Variants in TRIM74 observed in about 807,000 individuals in gnomAD.
TRIM74 encodes tripartite motif containing 74.
Under a neutral mutation model 14.5 loss-of-function variants are expected in TRIM74, and 3 were observed. The ratio of observed to expected loss-of-function variants is 0.21; its 90% CI spans 0.09 to 0.53. TRIM74 has a LOEUF of 0.53. Among genes scored for constraint, TRIM74 ranks in the 20% least tolerant of loss-of-function variants. TRIM74 has a pLI of 0.95. For synonymous variants in TRIM74, 10 were observed against 71.3 expected (o/e 0.14, Z 4.33); for missense variants, 26 against 174.0 (o/e 0.15, Z 4.79).
chr7:72,955,182 C>T (rs1187821391), downstream of TRIM74, among the ~76,000 whole-genome samples: 1 of 126,426 alleles, frequency 7.9e-6, no homozygotes, highest in African/African-American at 3.2e-5. Context: ...CTGCAACCTC[C>T]GCCTCCCAGG....
intron 1 of TRIM74, chr7:72,966,905 C>A (rs1425732143): frequency 7.2e-6 from 1 of 138,958 alleles, no homozygotes; most frequent in Non-Finnish European, 1.6e-5. Flanking sequence ...TTCTTCCCAG[C>A]AGGGAACAGC....
chr7:72,955,149 C>T (rs1798071367), downstream of TRIM74, among the ~76,000 whole-genome samples: 1 of 129,300 alleles, frequency 7.7e-6, no homozygotes, highest in South Asian at 2.5e-4. Context: ...CACTCTGTCG[C>T]GCAGTGTCGC....
At chr7:72,955,111 A>ATATATATATATATATATATATTT (rs1346659193), downstream of TRIM74, 2 of 112,068 alleles carry the variant, frequency 1.8e-5, no homozygotes, top group African/African-American at 8.3e-5. Context: ...ATATATATAT[A>ATATATATATATATATATATATTT]TTTTTTTTTT....
chr7:72,967,407 GC>G (rs1460174073), intron 1 of TRIM74, among the ~76,000 whole-genome samples: 1 of 152,234 alleles, frequency 6.6e-6, no homozygotes, highest in East Asian at 1.9e-4. Context: ...ACAGGCACGT[GC>G]CACCATGCCA....
Position 72,960,216 on chromosome 7 carries a change from GCGGCGGATCACC to G in TRIM74, c.519_530del (p.Trp173_Arg177delinsCys). 1 of 1,423,938 alleles carries G rather than the reference GCGGCGGATCACC, an allele frequency of 7.0e-7. No individual in the cohort carries two copies. The highest frequency in any genetic ancestry group is 2.5e-5 in the East Asian group (1 of 39,306). 88.2% of individuals were successfully genotyped at this position (1,423,938 alleles called of 1,614,324 possible). A position where few individuals can be genotyped will look rare whatever the true frequency, so the allele number is the denominator to read the frequency against. ...CCGGGTGGCGCAGCTCCTGGAACTC[GCGGCGGATCACC>G]CAGCTGAAGACATCCGACTCATTCT... On this transcript the variant is annotated inframe_deletion, in exon 4 of 5. Coordinates refer to ENST00000285805, the MANE Select transcript of TRIM74 (RefSeq NM_198853.3).
At chr7:72,955,131 A>G (rs1289306486), downstream of TRIM74, among the ~76,000 whole-genome samples, 1 of 136,054 alleles carries the variant, frequency 7.4e-6, no homozygotes, top group Admixed American at 7.2e-5. Flanking sequence ...TTTTCAGACA[A>G]AAAGACTCAC....
downstream of TRIM74, chr7:72,954,977 A>G (rs1200705428): frequency 3.4e-6 from 2 of 587,114 alleles, no homozygotes; most frequent in Non-Finnish European, 6.0e-6. Flanking sequence ...TCTGATGGAT[A>G]AATAATGGGA....
intron 1 of TRIM74, among the ~76,000 whole-genome samples, chr7:72,967,168 C>T (rs1554507477): frequency 6.6e-6 from 1 of 152,300 alleles, no homozygotes; most frequent in Non-Finnish European, 1.5e-5. Context: ...GTCCACACCT[C>T]ACGACCCCGA....
chr7:72,955,111 A>ATATATATATATATATATATT (rs1346659193), downstream of TRIM74: 2 of 112,062 alleles, frequency 1.8e-5, no homozygotes, highest in African/African-American at 8.3e-5. Flanking sequence ...ATATATATAT[A>ATATATATATATATATATATT]TTTTTTTTTT....
chr7:72,955,111 A>ATATATATATATATATATATTTTTT (rs1346659193), downstream of TRIM74: 3 of 112,064 alleles, frequency 2.7e-5, no homozygotes, highest in African/African-American at 1.2e-4. Flanking sequence ...ATATATATAT[A>ATATATATATATATATATATTTTTT]TTTTTTTTTT....
At chr7:72,955,111 A>ATATATATATATATATATTTTT (rs1346659193), downstream of TRIM74, 1 of 112,064 alleles carries the variant, frequency 8.9e-6, no homozygotes, top group African/African-American at 4.1e-5. Flanking sequence ...ATATATATAT[A>ATATATATATATATATATTTTT]TTTTTTTTTT....
rs1460743203 is a variant in TRIM74 at position 72,966,333 on chromosome 7, C to T, written c.-18-158G>A. 7.4e-4 allele frequency among the ~76,000 whole-genome samples: 99 copies of T among 134,104 alleles called. No homozygotes were observed. In the South Asian group the frequency reaches 0.023, roughly 31 times the overall value. The allele number at this position is 134,104 out of a possible 152,430, so 88.0% of individuals were successfully genotyped here. Reference sequence around the variant, plus strand: ...CCACATGACCTTGGGCCTCAGTTTCCACAGCTGTAAAACAAAAGACTGCAG... The same window carrying T: ...CCACATGACCTTGGGCCTCAGTTTCTACAGCTGTAAAACAAAAGACTGCAG... On this transcript the variant is annotated intron_variant, in intron 1 of 4. Transcript: ENST00000285805.
intron 1 of TRIM74, among the ~76,000 whole-genome samples, chr7:72,967,318 C>T (rs1258942285): frequency 1.3e-5 from 2 of 151,514 alleles, no homozygotes; most frequent in Non-Finnish European, 3.0e-5. Flanking sequence ...AGTGCAGTGG[C>T]GTGGTCACAG....
At chr7:72,967,254 G>T (rs1563189169) in intron 1 of TRIM74, among the ~76,000 whole-genome samples, 1 of 147,086 alleles carries the variant, frequency 6.8e-6, no homozygotes, top group Non-Finnish European at 1.5e-5. Flanking sequence ...TTTGGGGGGG[G>T]TGGGGGGCTG....
At chr7:72,958,576 TG>T, downstream of TRIM74, among the ~76,000 whole-genome samples, 1 of 67,176 alleles carries the variant, frequency 1.5e-5, no homozygotes, top group Non-Finnish European at 2.6e-5. Flanking sequence ...CTTTTTTTTT[TG>T]AGATGGAGTC....
At position 72,959,596 on chromosome 7, in the gene TRIM74, AAAGT is replaced by A. The variant is rs2129582083; in HGVS notation, c.*282_*285del. On this transcript the variant is annotated 3_prime_UTR_variant, in exon 5 of 5. Coordinates refer to ENST00000285805, the MANE Select transcript of TRIM74 (RefSeq NM_198853.3). ...AGCAATACTCCTGCCTTGGCCTCCC[AAAGT>A]ACTGGGATTGCAGGCATGAGCTACC... 3.5e-6 allele frequency: 1 copy of A among 284,816 alleles called. No individual in the cohort carries two copies. Among genetic ancestry groups the A allele is most frequent in the Non-Finnish European group, 6.8e-6 (1 of 147,144 alleles). 17.6% of individuals were successfully genotyped at this position (284,816 alleles called of 1,614,324 possible).
At chr7:72,966,411 G>GTGTA (rs1444926009) in intron 1 of TRIM74, among the ~76,000 whole-genome samples, 2 of 144,178 alleles carry the variant, frequency 1.4e-5, no homozygotes, top group Non-Finnish European at 3.0e-5. Flanking sequence ...GTGTGTGTGT[G>GTGTA]TGTGTGTGTC....
At chr7:72,957,353 TGA>T (rs1554505811), downstream of TRIM74, among the ~76,000 whole-genome samples, 1 of 148,874 alleles carries the variant, frequency 6.7e-6, no homozygotes, top group Non-Finnish European at 1.5e-5. Flanking sequence ...TTCAGAACCA[TGA>T]GAGATTAAAT....
downstream of TRIM74, among the ~76,000 whole-genome samples, chr7:72,957,181 C>T (rs1300418552): frequency 5.4e-5 from 8 of 147,444 alleles, no homozygotes; most frequent in East Asian, 4.2e-4. Flanking sequence ...GAAAAGGCCA[C>T]GTGAAGATGG....
Sources: gnomAD v4.1 joint callset for allele counts (sites outside exome capture counted in the v4.1 genomes callset) on GRCh38, gnomAD v4.1.1 for gene constraint, MANE v1.5 for transcripts, NCBI Gene and HGNC (gene_info 2026-07-23, HGNC 2026-07-21) for gene names.